Variants in SNTG1 observed in about 807,000 individuals in gnomAD.
SNTG1 encodes the protein gamma-1-syntrophin.
Under a neutral mutation model 74.7 loss-of-function variants are expected in SNTG1, and 39 were observed. The ratio of observed to expected loss-of-function variants is 0.52; its 90% CI spans 0.40 to 0.68. The LOEUF (loss-of-function observed/expected upper bound fraction) is 0.68. Among genes scored for constraint, SNTG1 ranks in the 30% least tolerant of loss-of-function variants. SNTG1 has a pLI of 0.00. For synonymous variants in SNTG1, 254 were observed against 217.1 expected (o/e 1.17, Z -1.49); for missense variants, 685 against 609.5 (o/e 1.12, Z -1.30).
At chr8:49,940,672 A>G (rs773115386) in intron 1 of SNTG1, among the ~76,000 whole-genome samples, 13 of 152,166 alleles carry the variant, frequency 8.5e-5, no homozygotes, top group East Asian at 1.9e-4. Context: ...CATGTGCCCA[A>G]TATTGTACTA....
intron 1 of SNTG1, among the ~76,000 whole-genome samples, chr8:50,113,164 G>T (rs1482932316): frequency 1.3e-5 from 2 of 152,038 alleles, no homozygotes; most frequent in Admixed American, 6.5e-5. Flanking sequence ...GATGGGGATG[G>T]CATTGAATCT....
intron 2 of SNTG1, among the ~76,000 whole-genome samples, chr8:50,385,768 A>G (rs182249326): frequency 6.6e-6 from 1 of 152,306 alleles, no homozygotes; most frequent in Admixed American, 6.5e-5. Flanking sequence ...CAATAGCTGC[A>G]TGCCAGGTAC....
chr8:50,177,503 C>G (rs1209183424), intron 2 of SNTG1, among the ~76,000 whole-genome samples: 2 of 152,200 alleles, frequency 1.3e-5, no homozygotes, highest in African/African-American at 4.8e-5. Flanking sequence ...GGAGGAGTTA[C>G]AGCTGTACAG....
rs556002982 is a variant in SNTG1, at chr8:50,056,690, T to C, written c.-102-115871T>C. ...CTGTGGTGCCGTGTGGTTTACTGTA[T>C]GTAAAGTCTTTTAGAACATTGTCTG... is the stretch of plus-strand genomic sequence containing the variant. On this transcript the variant is annotated intron_variant, in intron 1 of 18. Transcript: ENST00000642720. 1.2e-4 allele frequency among the ~76,000 whole-genome samples: 19 copies of C among 152,306 alleles called. No individual in the cohort carries two copies. In the South Asian group the frequency reaches 3.9e-3, roughly 32 times the overall value.
intron 2 of SNTG1, among the ~76,000 whole-genome samples, chr8:50,265,508 C>T (rs1000096013): frequency 7.9e-5 from 12 of 152,058 alleles, no homozygotes; most frequent in Non-Finnish European, 1.3e-4. Context: ...AAACCTATAG[C>T]TGGCAATATT....
At chr8:50,170,747 C>A (rs1429131093) in intron 1 of SNTG1, among the ~76,000 whole-genome samples, 2 of 152,132 alleles carry the variant, frequency 1.3e-5, no homozygotes, top group Non-Finnish European at 2.9e-5. Flanking sequence ...GGGGTTCTAC[C>A]AAGCTTGTGT....
At position 50,694,287 on chromosome 8, in the gene SNTG1, A is replaced by G. The variant is rs1363318457; in HGVS notation, c.1039-10313A>G. On this transcript the variant is annotated intron_variant, in intron 15 of 18. Transcript: ENST00000642720. ...ATCTGATACCACAGAAATACAAAGG[A>G]TCATAAACAAATTTATGAAAAAGTA... Among the ~76,000 whole-genome samples, 3 of 152,216 alleles carry G rather than the reference A, an allele frequency of 2.0e-5. No homozygotes were observed. The East Asian group carries it at 5.8e-4, about 29-fold the overall frequency.
intron 9 of SNTG1, among the ~76,000 whole-genome samples, chr8:50,523,821 G>A (rs1585567845): frequency 6.6e-6 from 1 of 152,276 alleles, no homozygotes; most frequent in East Asian, 1.9e-4. Context: ...ATGCATGGTT[G>A]ACATAAACCT....
chr8:50,318,386 A>G (rs1417376988), intron 2 of SNTG1, among the ~76,000 whole-genome samples: 1 of 152,198 alleles, frequency 6.6e-6, no homozygotes, highest in Non-Finnish European at 1.5e-5. Context: ...ACATACTGAC[A>G]TGCTCCTCGT....
chr8:50,344,398 G>T lies in SNTG1; in HGVS notation c.-27-49814G>T, dbSNP rs533625320. Among the ~76,000 whole-genome samples, 6 of 152,258 alleles carry T rather than the reference G, an allele frequency of 3.9e-5. No homozygotes were observed. The South Asian group carries it at 1.2e-3, about 32-fold the overall frequency. The stretch of plus-strand genomic sequence containing the variant: ...GGTTGGTAGCTGGGGCTGGTGCAAG[G>T]CTGCCCTGGGAGGCAGGCAGCCTCA... On this transcript the variant is annotated intron_variant, in intron 2 of 18. Transcript: ENST00000642720.
intron 13 of SNTG1, among the ~76,000 whole-genome samples, chr8:50,638,833 A>C (rs2131159268): frequency 6.6e-6 from 1 of 152,242 alleles, no homozygotes; most frequent in East Asian, 1.9e-4. Context: ...AGAGTATAAC[A>C]GTAGCAGTTT....
At position 50,609,253 on chromosome 8, in the gene SNTG1, C is replaced by CTTCTTGT. The variant is rs2094833821; in HGVS notation, c.849+18339_849+18345dup. On this transcript the variant is annotated intron_variant, in intron 13 of 18. Coordinates refer to ENST00000642720, the MANE Select transcript of SNTG1 (RefSeq NM_018967.5). ...TATTTTGTAGCTGTGAATTCTCTCA[C>CTTCTTGT]TTCTTGTTTATCTGGTAAAGTATTT... Among the ~76,000 whole-genome samples the CTTCTTGT allele has an allele frequency of 2.6e-5, 4 of 152,112 alleles. No individual in the cohort carries two copies. In the South Asian group the frequency reaches 8.3e-4, roughly 31 times the overall value.
intron 1 of SNTG1, among the ~76,000 whole-genome samples, chr8:50,145,120 G>A (rs1025696143): frequency 6.6e-6 from 1 of 152,140 alleles, no homozygotes; most frequent in African/African-American, 2.4e-5. Flanking sequence ...CCATAGGGAG[G>A]ATGCCAGGAG....
intron 18 of SNTG1, among the ~76,000 whole-genome samples, chr8:50,756,125 A>C (rs1226745006): frequency 3.3e-5 from 5 of 151,758 alleles, no homozygotes; most frequent in African/African-American, 7.2e-5. Context: ...ATTGAGTTTT[A>C]ACAGTTCTTT....
intron 15 of SNTG1, among the ~76,000 whole-genome samples, chr8:50,697,367 C>T (rs1339965236): frequency 6.6e-6 from 1 of 152,096 alleles, no homozygotes; most frequent in East Asian, 1.9e-4. Context: ...ATTATATCAT[C>T]AGCAAACAAG....
intron 8 of SNTG1, among the ~76,000 whole-genome samples, chr8:50,454,914 C>T (rs994994449): frequency 6.7e-6 from 1 of 148,756 alleles, no homozygotes; most frequent in Non-Finnish European, 1.5e-5. Flanking sequence ...AGGCTGAGTA[C>T]TTTGTGTGAT....
chr8:50,198,428 G>A (rs1029234385), intron 2 of SNTG1, among the ~76,000 whole-genome samples: 7 of 152,218 alleles, frequency 4.6e-5, no homozygotes, highest in African/African-American at 1.2e-4. Flanking sequence ...GCAATATGGG[G>A]CAAGTAAATC....
intron 5 of SNTG1, among the ~76,000 whole-genome samples, chr8:50,443,950 A>G (rs1012140923): frequency 2.0e-5 from 3 of 152,024 alleles, no homozygotes; most frequent in Admixed American, 2.0e-4. Flanking sequence ...CTTGACCAAC[A>G]TGGTGAAACT....
rs185352489 is a variant in SNTG1, at chr8:50,272,671, C to T, written c.-28+100036C>T. On this transcript the variant is annotated intron_variant, in intron 2 of 18. Coordinates refer to ENST00000642720, the MANE Select transcript of SNTG1 (RefSeq NM_018967.5). The stretch of plus-strand genomic sequence containing the variant: ...TAGTATCAGACTAGAAGAAAAGAGC[C>T]ATGAACCTTGATTTGTATCATGTAC... Among the ~76,000 whole-genome samples the T allele has an allele frequency of 3.7e-4, 57 of 152,282 alleles. 1 individual carries two copies. In the East Asian group the frequency reaches 0.011, roughly 29 times the overall value.
Sources: allele counts gnomAD v4.1 joint callset (sites outside exome capture counted in the v4.1 genomes callset), GRCh38; gene constraint gnomAD v4.1.1; transcripts MANE v1.5; gene names NCBI Gene and HGNC (gene_info 2026-07-23, HGNC 2026-07-21).